The following GRAMD2B variants were observed in gnomAD, a reference collection of about 807,000 sequenced individuals.
The protein encoded by GRAMD2B is GRAM domain containing 2B, also known as GRAM domain-containing protein 2B.
In GRAMD2B, 41 loss-of-function variants were observed where a neutral mutation model predicts 59.2. That is an observed-to-expected ratio of 0.69 (90% CI 0.54 to 0.90). The LOEUF (loss-of-function observed/expected upper bound fraction) is 0.90. Among genes scored for constraint, GRAMD2B ranks in the 40% least tolerant of loss-of-function variants. The probability of loss-of-function intolerance (pLI) is 0.00; values close to 1 mark genes in which losing one functional copy is unlikely to be tolerated. For synonymous variants in GRAMD2B, 161 were observed against 182.7 expected (o/e 0.88, Z 0.96); for missense variants, 424 against 500.5 (o/e 0.85, Z 1.46).
rs111354576 is a variant in GRAMD2B, at chr5:126,480,807, G to A, written c.735+100G>A. 3,419 of 994,908 alleles carry A rather than the reference G, an allele frequency of 3.4e-3. 88 individuals are homozygous for A. In the African/African-American group the frequency reaches 0.048, roughly 14 times the overall value. The allele number at this position is 994,908 out of a possible 1,614,324, so 61.6% of individuals were successfully genotyped here. A position where few individuals can be genotyped will look rare whatever the true frequency, so the allele number is the denominator to read the frequency against. ...TGACCAGGGTGTGGGAAGAGCTTAG[G>A]ACCAAAATATTTGAGGTACAGTTGA... On this transcript the variant is annotated intron_variant, in intron 8 of 13. Coordinates refer to ENST00000285689, the MANE Select transcript of GRAMD2B (RefSeq NM_023927.4).
intron 1 of GRAMD2B, among the ~76,000 whole-genome samples, chr5:126,388,255 C>A (rs749127997): frequency 5.9e-5 from 9 of 152,012 alleles, no homozygotes; most frequent in Non-Finnish European, 1.2e-4. Context: ...TGCCTGTGGT[C>A]CCAGCTGCTT....
At chr5:126,446,834 A>C (rs1012354607) in intron 1 of GRAMD2B, among the ~76,000 whole-genome samples, 8 of 152,122 alleles carry the variant, frequency 5.3e-5, no homozygotes, top group Non-Finnish European at 1.2e-4. Context: ...CAGACCATGG[A>C]ATACAGATTC....
At chr5:126,490,784 C>T (rs565578292) in intron 13 of GRAMD2B, among the ~76,000 whole-genome samples, 9 of 152,236 alleles carry the variant, frequency 5.9e-5, no homozygotes, top group African/African-American at 7.2e-5. Context: ...CTTCGGGGGC[C>T]GGTGATGTCT....
At chr5:126,457,326 C>G (rs1252305757) in intron 1 of GRAMD2B, among the ~76,000 whole-genome samples, 3 of 150,368 alleles carry the variant, frequency 2.0e-5, no homozygotes, top group African/African-American at 7.4e-5. Context: ...AATGCTTTAT[C>G]TCTTTTGGTT....
chr5:126,472,316 C>T lies in GRAMD2B; in HGVS notation c.382+12C>T, dbSNP rs766529270. ...ACCACTGAAGCAAAGTAAGTTCTGA[C>T]CTGTTTGACTTTTTAAGCTACATAT... is the stretch of plus-strand genomic sequence containing the variant. On this transcript the variant is annotated intron_variant, in intron 4 of 13. Coordinates refer to ENST00000285689, the MANE Select transcript of GRAMD2B (RefSeq NM_023927.4). 1.9e-6 allele frequency: 3 copies of T among 1,609,730 alleles called. No homozygotes were observed. Among genetic ancestry groups the T allele is most frequent in the African/African-American group, 1.3e-5 (1 of 74,924 alleles).
At chr5:126,362,666 G>A (rs1279690415) in intron 1 of GRAMD2B, among the ~76,000 whole-genome samples, 1 of 152,138 alleles carries the variant, frequency 6.6e-6, no homozygotes, top group Admixed American at 6.6e-5. Context: ...GTTTAAAATA[G>A]TTACCAAGAA....
chr5:126,482,919 A>G (rs1171062100), intron 8 of GRAMD2B, among the ~76,000 whole-genome samples: 1 of 152,214 alleles, frequency 6.6e-6, no homozygotes, highest in African/African-American at 2.4e-5. Flanking sequence ...TAAAATTTAA[A>G]TGTACTATCA....
At chr5:126,414,066 C>T (rs1264973027) in intron 1 of GRAMD2B, among the ~76,000 whole-genome samples, 1 of 152,078 alleles carries the variant, frequency 6.6e-6, no homozygotes, top group Non-Finnish European at 1.5e-5. Flanking sequence ...GAGTTGTTTA[C>T]TAAAAAAATA....
upstream of GRAMD2B, among the ~76,000 whole-genome samples, chr5:126,420,547 C>T (rs767023328): frequency 1.9e-4 from 29 of 152,190 alleles, no homozygotes; most frequent in Admixed American, 1.3e-4. Flanking sequence ...ATTGGAAGTC[C>T]TTATACCATG....
upstream of GRAMD2B, among the ~76,000 whole-genome samples, chr5:126,419,574 A>G (rs1293869017): frequency 1.3e-5 from 2 of 152,146 alleles, no homozygotes; most frequent in Admixed American, 1.3e-4. Context: ...CAAACACATT[A>G]TTTGTACTCT....
intron 1 of GRAMD2B, among the ~76,000 whole-genome samples, chr5:126,385,851 C>T (rs1393209700): frequency 6.6e-6 from 1 of 152,124 alleles, no homozygotes; most frequent in Non-Finnish European, 1.5e-5. Flanking sequence ...GGAAATGAAA[C>T]AGAACATGAG....
rs1245627657 is a variant in GRAMD2B, at chr5:126,493,259, G to A, written c.*303G>A. On this transcript the variant is annotated 3_prime_UTR_variant, in exon 14 of 14. Transcript: ENST00000285689. ...ACACACTCTCTTGGATAATTACCAC[G>A]ATGGCGTCAGCAAACACTCCACCCT... The A allele has an allele frequency of 8.7e-6, 3 of 346,592 alleles. No homozygotes were observed. The highest frequency in any genetic ancestry group is 5.4e-5 in the East Asian group (1 of 18,634). 21.5% of individuals were successfully genotyped at this position (346,592 alleles called of 1,614,324 possible).
At chr5:126,386,012 A>G (rs561712302) in intron 1 of GRAMD2B, among the ~76,000 whole-genome samples, 1 of 152,318 alleles carries the variant, frequency 6.6e-6, no homozygotes, top group South Asian at 2.1e-4. Context: ...AATGAGGTAA[A>G]GCCCAGACAC....
chr5:126,401,352 T>C (rs1757819522), intron 1 of GRAMD2B, among the ~76,000 whole-genome samples: 1 of 152,050 alleles, frequency 6.6e-6, no homozygotes, highest in Admixed American at 6.6e-5. Flanking sequence ...TTTTTCTGAG[T>C]CAGTAAGTTG....
chr5:126,401,394 T>C (rs1389999578), intron 1 of GRAMD2B, among the ~76,000 whole-genome samples: 1 of 152,142 alleles, frequency 6.6e-6, no homozygotes, highest in Non-Finnish European at 1.5e-5. Flanking sequence ...CTCACTGAGC[T>C]TTCTTAAAAT....
At chr5:126,409,897 T>C (rs1758617140) in intron 1 of GRAMD2B, among the ~76,000 whole-genome samples, 1 of 152,032 alleles carries the variant, frequency 6.6e-6, no homozygotes, top group Non-Finnish European at 1.5e-5. Context: ...AGTTTCAGCT[T>C]TCTACATATG....
intron 1 of GRAMD2B, among the ~76,000 whole-genome samples, chr5:126,435,538 C>T (rs1762274186): frequency 6.6e-6 from 1 of 152,158 alleles, no homozygotes; most frequent in African/African-American, 2.4e-5. Context: ...TTGCTCTTTC[C>T]TTCTTTTCCG....
rs535853694 is a variant in GRAMD2B, at chr5:126,424,315, G to A, written c.83+626G>A. Among the ~76,000 whole-genome samples, 5 of 152,172 alleles carry A rather than the reference G, an allele frequency of 3.3e-5. No homozygotes were observed. The South Asian group carries it at 1.0e-3, about 32-fold the overall frequency. On this transcript the variant is annotated intron_variant, in intron 1 of 13. Transcript: ENST00000285689. Reference sequence around the variant, plus strand: ...TGGTAAAATTGGTTTGGGAGGAGAGGTTGTTTTTTTCCTACAAAGTGGTAT... The same window carrying A: ...TGGTAAAATTGGTTTGGGAGGAGAGATTGTTTTTTTCCTACAAAGTGGTAT...
chr5:126,409,356 C>G (rs1758553109), intron 1 of GRAMD2B, among the ~76,000 whole-genome samples: 1 of 152,276 alleles, frequency 6.6e-6, no homozygotes, highest in Non-Finnish European at 1.5e-5. Flanking sequence ...CTTGTTGTTT[C>G]CTGACTTTTT....
Sources: allele counts gnomAD v4.1 joint callset (sites outside exome capture counted in the v4.1 genomes callset), GRCh38; gene constraint gnomAD v4.1.1; transcripts MANE v1.5; gene names NCBI Gene and HGNC (gene_info 2026-07-23, HGNC 2026-07-21).